Variants in NEMP2 observed in about 807,000 individuals in gnomAD.
NEMP2 encodes the protein nuclear envelope integral membrane protein 2, also known as UPF0571 transmembrane protein.
NEMP2 carries 53 observed loss-of-function variants against 54.2 expected under a neutral mutation model. The observed-to-expected ratio is 0.98, with a 90% CI of 0.78 to 1.23. The LOEUF is 1.23. Ranked by LOEUF, NEMP2 falls within the 50% of genes most tolerant of loss-of-function variation. The probability of loss-of-function intolerance (pLI) is 0.00; values close to 1 mark genes in which losing one functional copy is unlikely to be tolerated. For missense variants in NEMP2, 455 were observed against 511.3 expected (o/e 0.89, Z 1.06); for synonymous variants, 197 against 190.3 (o/e 1.04, Z -0.29).
At position 190,518,753 on chromosome 2, in the gene NEMP2, A is replaced by G. The variant is rs974990327; in HGVS notation, c.501T>C (p.Tyr167=). Residue 167 remains tyrosine, a synonymous_variant, in exon 4 of 9, where the codon TAT becomes TAC. Coordinates refer to ENST00000409150, the MANE Select transcript of NEMP2 (RefSeq NM_001142645.2). ...ATACTTACTGACTCAGGGTCCTTGCATAAAAGAAAAGAAAAACTCCTGCCA... is the reference window on the plus strand; with the variant it reads ...ATACTTACTGACTCAGGGTCCTTGCGTAAAAGAAAAGAAAAACTCCTGCCA... ...VFVAGVFLFF[Y]ARTLSQSPTF... The G allele has an allele frequency of 3.9e-6, 6 of 1,544,276 alleles. No homozygotes were observed. In the Admixed American group the frequency reaches 1.2e-4, roughly 31 times the overall value.
chr2:190,470,907 A>ATG, the NEMP2 span, among the ~76,000 whole-genome samples: 1 of 152,018 alleles, frequency 6.6e-6, no homozygotes, highest in Non-Finnish European at 1.5e-5. Context: ...ATTCAAGTAT[A>ATG]TATATATATA....
chr2:190,466,278 A>G, the NEMP2 span, among the ~76,000 whole-genome samples: 1 of 152,252 alleles, frequency 6.6e-6, no homozygotes, highest in Non-Finnish European at 1.5e-5. Context: ...CTGGGGGAAC[A>G]CATGGTTCAG....
rs925948775 is a variant in NEMP2 at position 190,519,215 on chromosome 2, A to T, written c.214-32T>A. Reference sequence around the variant, plus strand: ...AACAAGAACAAGCAAATCCATAAACAGAATAACTTCTCTTTTTTGTTTTGG... The same window carrying T: ...AACAAGAACAAGCAAATCCATAAACTGAATAACTTCTCTTTTTTGTTTTGG... On this transcript the variant is annotated intron_variant, in intron 2 of 8. Transcript: ENST00000409150. The surrounding 1 kb of genome is among the most constrained non-coding windows in gnomAD (Gnocchi z 5.4). The T allele has an allele frequency of 2.8e-6, 4 of 1,421,574 alleles. No individual in the cohort carries two copies. In the African/African-American group the frequency reaches 5.7e-5, roughly 20 times the overall value. 88.1% of individuals were successfully genotyped at this position (1,421,574 alleles called of 1,614,324 possible).
At chr2:190,436,736 G>A in the NEMP2 span, 15 of 1,614,046 alleles carry the variant, frequency 9.3e-6, no homozygotes, top group Middle Eastern at 1.6e-4. The surrounding 1 kb of genome is among the most constrained non-coding windows in gnomAD (Gnocchi z 5.3). Flanking sequence ...ATTACTAACC[G>A]TATGATGGAC....
chr2:190,642,279 A>G, the NEMP2 span, among the ~76,000 whole-genome samples: 2 of 152,224 alleles, frequency 1.3e-5, no homozygotes, highest in Non-Finnish European at 2.9e-5. The surrounding 1 kb of genome is among the most constrained non-coding windows in gnomAD (Gnocchi z 4.1). Context: ...ACCAACTTAT[A>G]AAGAAATAAG....
Position 190,513,287 on chromosome 2 carries a change from C to T in NEMP2, c.953+1166G>A, listed in dbSNP as rs559041235. On this transcript the variant is annotated intron_variant, in intron 7 of 8. Coordinates refer to ENST00000409150, the MANE Select transcript of NEMP2 (RefSeq NM_001142645.2). The surrounding 1 kb of genome is among the most constrained non-coding windows in gnomAD (Gnocchi z 5.3). ...ACATTCTAATCGTAATTCCCATTTC[C>T]AATTTTTCTAGAAAACCAGCAGATC... 1.1e-4 allele frequency among the ~76,000 whole-genome samples: 16 copies of T among 152,262 alleles called. No homozygotes were observed. The East Asian group carries it at 2.3e-3, about 22-fold the overall frequency.
At chr2:190,447,142 C>T in the NEMP2 span, among the ~76,000 whole-genome samples, 379 of 152,004 alleles carry the variant, frequency 2.5e-3, 3 homozygotes, top group Admixed American at 0.019. This position sits in a 1 kb window ranked among gnomAD's most constrained non-coding sequence, Gnocchi z 4.5. Context: ...AAAATATTAG[C>T]GCACTCAAGG....
At chr2:190,549,638 CT>C in the NEMP2 span, among the ~76,000 whole-genome samples, 9 of 150,864 alleles carry the variant, frequency 6.0e-5, no homozygotes, top group Middle Eastern at 3.4e-3. Context: ...TTTTTTTTTC[CT>C]GAAGCTCAAA....
At chr2:190,580,698 T>C in the NEMP2 span, among the ~76,000 whole-genome samples, 1 of 152,104 alleles carries the variant, frequency 6.6e-6, no homozygotes. The surrounding 1 kb of genome is among the most constrained non-coding windows in gnomAD (Gnocchi z 5.3). Context: ...CTGTGACAGG[T>C]AGAAAAATAT....
At chr2:190,648,107 A>T in the NEMP2 span, 1 of 152,250 alleles carries the variant, frequency 6.6e-6, no homozygotes, top group African/African-American at 2.4e-5. Flanking sequence ...AATTTAGCAC[A>T]CACCAGCACT....
rs1269976983 is a variant in NEMP2 at position 190,528,359 on chromosome 2, C to T, written c.98-2981G>A. Among the ~76,000 whole-genome samples the T allele has an allele frequency of 6.6e-6, 1 of 152,140 alleles. No individual in the cohort carries two copies. Among genetic ancestry groups the T allele is most frequent in the African/African-American group, 2.4e-5 (1 of 41,432 alleles). On this transcript the variant is annotated intron_variant, in intron 1 of 8. Coordinates refer to ENST00000409150, the MANE Select transcript of NEMP2 (RefSeq NM_001142645.2). The surrounding 1 kb of genome is among the most constrained non-coding windows in gnomAD (Gnocchi z 4.3). ...GTGGGGATCAGATCTCTGGATTCAC[C>T]TTGTCATGTTCTGCCTTTGCACAGC... is the stretch of plus-strand genomic sequence containing the variant.
At chr2:190,548,983 GC>G in the NEMP2 span, among the ~76,000 whole-genome samples, 2 of 152,032 alleles carry the variant, frequency 1.3e-5, no homozygotes, top group Non-Finnish European at 2.9e-5. Flanking sequence ...CTATATTTTT[GC>G]CCATTAATAA....
chr2:190,514,754 C>T lies in NEMP2; in HGVS notation c.728-76G>A. 1 of 1,381,572 alleles carries T rather than the reference C, an allele frequency of 7.2e-7. No homozygotes were observed. Among genetic ancestry groups the T allele is most frequent in the Non-Finnish European group, 1.0e-6 (1 of 1,003,744 alleles). The allele number at this position is 1,381,572 out of a possible 1,614,324, so 85.6% of individuals were successfully genotyped here. ...TGTGAAAAACCTGGCAGAGCCTTGA[C>T]TTAAAGGTAAAAACTATTAGAGAAC... On this transcript the variant is annotated intron_variant, in intron 6 of 8. Transcript: ENST00000409150. This position sits in a 1 kb window ranked among gnomAD's most constrained non-coding sequence, Gnocchi z 5.7.
At chr2:190,540,429 G>A in the NEMP2 span, among the ~76,000 whole-genome samples, 236 of 152,066 alleles carry the variant, frequency 1.6e-3, 2 homozygotes, top group Admixed American at 0.013. Context: ...GACTACAGAC[G>A]CATGCCACCA....
Position 190,532,313 on chromosome 2 carries a change from G to C in NEMP2, c.97+2246C>G, listed in dbSNP as rs570313692. 7.1e-4 allele frequency among the ~76,000 whole-genome samples: 108 copies of C among 152,116 alleles called. No individual in the cohort carries two copies. The Middle Eastern group carries it at 0.01, about 14-fold the overall frequency. On this transcript the variant is annotated intron_variant, in intron 1 of 8. Transcript: ENST00000409150. ...TCTTTTTCTTTCTCCAAGAATATGA[G>C]AATGAAACTGGAATTAGTATATACT...
chr2:190,538,789 T>C (rs1288657857), upstream of NEMP2, among the ~76,000 whole-genome samples: 1 of 152,210 alleles, frequency 6.6e-6, no homozygotes, highest in Non-Finnish European at 1.5e-5. This position sits in a 1 kb window ranked among gnomAD's most constrained non-coding sequence, Gnocchi z 4.1. Context: ...GATCTTTTGC[T>C]TATTTTAAAA....
upstream of NEMP2, among the ~76,000 whole-genome samples, chr2:190,538,745 A>C (rs1691456428): frequency 6.6e-6 from 1 of 151,814 alleles, no homozygotes; most frequent in South Asian, 2.1e-4. The surrounding 1 kb of genome is among the most constrained non-coding windows in gnomAD (Gnocchi z 4.1). Flanking sequence ...CCTGTTAGCT[A>C]TTTGTATGTC....
At chr2:190,610,668 C>T in the NEMP2 span, 21 of 152,328 alleles carry the variant, frequency 1.4e-4, no homozygotes, top group East Asian at 3.1e-3. This position sits in a 1 kb window ranked among gnomAD's most constrained non-coding sequence, Gnocchi z 5.4. Flanking sequence ...AACTATATTG[C>T]CATAAATTAA....
At chr2:190,433,555 A>G in the NEMP2 span, among the ~76,000 whole-genome samples, 2 of 152,234 alleles carry the variant, frequency 1.3e-5, no homozygotes, top group Admixed American at 1.3e-4. The surrounding 1 kb of genome is among the most constrained non-coding windows in gnomAD (Gnocchi z 4.5). Flanking sequence ...TTGTGAATAT[A>G]GTAAATTACC....
Sources: allele counts gnomAD v4.1 joint callset (sites outside exome capture counted in the v4.1 genomes callset), GRCh38; gene constraint gnomAD v4.1.1; non-coding constraint Gnocchi (gnomAD v3.1); transcripts MANE v1.5; gene names NCBI Gene and HGNC (gene_info 2026-07-23, HGNC 2026-07-21).